The following RIC8B variants were observed in gnomAD, a reference collection of about 807,000 sequenced individuals.
RIC8B encodes the protein RIC8 guanine nucleotide exchange factor B.
RIC8B carries 16 observed loss-of-function variants against 57.5 expected under a neutral mutation model. That is an observed-to-expected ratio of 0.28 (90% confidence interval 0.19 to 0.42). The LOEUF (loss-of-function observed/expected upper bound fraction) is 0.42. Among genes scored for constraint, RIC8B ranks in the 10% least tolerant of loss-of-function variants. The pLI is 1.00. For missense variants in RIC8B, 481 were observed against 677.0 expected, an observed-to-expected ratio of 0.71 and a Z score of 3.21; for synonymous variants, 216 against 250.8, an observed-to-expected ratio of 0.86 and a Z score of 1.31.
intron 5 of RIC8B, 62 bp downstream of exon 5, chr12:106,842,879 A>G (rs956807957): frequency 6.3e-6 from 6 of 956,728 alleles, no homozygotes; most frequent in Non-Finnish European, 1.6e-6. Flanking sequence ...TGTGCCATAC[A>G]TACAGACACA....
At chr12:106,882,491 T>C (rs1234724805) in intron 9 of RIC8B, among the ~76,000 whole-genome samples, 3 of 152,146 alleles carry the variant, frequency 2.0e-5, no homozygotes, top group Non-Finnish European at 4.4e-5. Flanking sequence ...ATTATTATTA[T>C]TATTACTACC....
intron 2 of RIC8B, among the ~76,000 whole-genome samples, chr12:106,785,771 CAT>C (rs756608822): frequency 4.8e-5 from 7 of 146,280 alleles, no homozygotes; most frequent in Non-Finnish European, 1.1e-4. Flanking sequence ...GAGCTCCAGA[CAT>C]GTGTATTCTA....
At chr12:106,831,612 G>A (rs939712783) in intron 4 of RIC8B, among the ~76,000 whole-genome samples, 1 of 152,178 alleles carries the variant, frequency 6.6e-6, no homozygotes, top group African/African-American at 2.4e-5. Flanking sequence ...ATCTTAGCAT[G>A]GCCATTGAAG....
At chr12:106,859,638 G>A (rs925538176) in intron 7 of RIC8B, among the ~76,000 whole-genome samples, 3 of 152,040 alleles carry the variant, frequency 2.0e-5, no homozygotes, top group African/African-American at 7.2e-5. Context: ...CTTACCCAAG[G>A]TCAACCAATT....
intron 2 of RIC8B, among the ~76,000 whole-genome samples, chr12:106,806,173 C>CCGA (rs747696323): frequency 3.3e-4 from 51 of 152,240 alleles, no homozygotes; most frequent in Non-Finnish European, 5.6e-4. Context: ...CCTCGAACTC[C>CCGA]CGACCTCAGG....
At chr12:106,802,534 ATTTTTTTTTT>A (rs34706345) in intron 2 of RIC8B, among the ~76,000 whole-genome samples, 1,282 of 102,170 alleles carry the variant, frequency 0.013, 25 homozygotes, top group African/African-American at 0.046. Flanking sequence ...CAATATGAGA[ATTTTTTTTTT>A]TTTTTTTTTT....
chr12:106,866,569 C>T (rs546471375), intron 8 of RIC8B, among the ~76,000 whole-genome samples: 2 of 152,302 alleles, frequency 1.3e-5, no homozygotes, highest in South Asian at 2.1e-4. Flanking sequence ...TTCCTAAAAA[C>T]CCTGATCCCT....
chr12:106,784,135 T>C, intron 2 of RIC8B, 91 bp downstream of exon 2: 1 of 1,186,710 alleles, frequency 8.4e-7, no homozygotes, highest in Non-Finnish European at 1.2e-6. Flanking sequence ...CATCTGATGG[T>C]TATTGATTGG....
intron 2 of RIC8B, among the ~76,000 whole-genome samples, chr12:106,791,814 A>G (rs2044271508): frequency 6.6e-6 from 1 of 152,210 alleles, no homozygotes; most frequent in African/African-American, 2.4e-5. Flanking sequence ...AAATTTCTAT[A>G]TTAGATTCCC....
intron 2 of RIC8B, among the ~76,000 whole-genome samples, chr12:106,788,957 C>T (rs904851195): frequency 3.3e-5 from 5 of 152,202 alleles, no homozygotes; most frequent in African/African-American, 1.2e-4. Flanking sequence ...ACTGCATTGT[C>T]AAGCTGCAAA....
intron 9 of RIC8B, chr12:106,874,354 C>A: frequency 4.2e-6 from 3 of 713,170 alleles, no homozygotes; most frequent in East Asian, 2.9e-5. Context: ...GTCTGATTAA[C>A]TTTCCTTCTC....
At chr12:106,816,478 T>C (rs1327035341) in intron 3 of RIC8B, among the ~76,000 whole-genome samples, 1 of 152,244 alleles carries the variant, frequency 6.6e-6, no homozygotes, top group Non-Finnish European at 1.5e-5. Context: ...GCCCACATGC[T>C]CCATTTATGC....
At chr12:106,855,833 C>G (rs1017059563) in intron 7 of RIC8B, among the ~76,000 whole-genome samples, 3 of 152,146 alleles carry the variant, frequency 2.0e-5, no homozygotes, top group African/African-American at 7.2e-5. Context: ...TTAGCCCCAA[C>G]CTTTCTTCTG....
chr12:106,787,151 T>C (rs2044066879), intron 2 of RIC8B, among the ~76,000 whole-genome samples: 1 of 152,260 alleles, frequency 6.6e-6, no homozygotes, highest in Non-Finnish European at 1.5e-5. Context: ...GTAACTACTC[T>C]GTAGTGCTTA....
At chr12:106,850,706 T>C (rs1256981074) in intron 6 of RIC8B, among the ~76,000 whole-genome samples, 2 of 152,154 alleles carry the variant, frequency 1.3e-5, no homozygotes, top group Admixed American at 6.5e-5. Context: ...CAGCAACTAA[T>C]GCATAGAAAG....
At chr12:106,810,156 C>CTTTT (rs5800718) in intron 2 of RIC8B, among the ~76,000 whole-genome samples, 1 of 139,608 alleles carries the variant, frequency 7.2e-6, no homozygotes, top group Non-Finnish European at 1.5e-5. Flanking sequence ...ATGTTATTTC[C>CTTTT]TTTTTTTTTT....
chr12:106,868,369 A>C, intron 8 of RIC8B: 1 of 456,596 alleles, frequency 2.2e-6, no homozygotes, highest in South Asian at 1.5e-5. Context: ...TAGTTAATAC[A>C]TCTACCTTCC....
chr12:106,871,059 G>A (rs911224649), intron 9 of RIC8B, 117 bp downstream of exon 9: 3 of 1,041,410 alleles, frequency 2.9e-6, no homozygotes, highest in Admixed American at 2.9e-5. Flanking sequence ...ATTGGAATAG[G>A]GTGGCCCAGG....
intron 2 of RIC8B, among the ~76,000 whole-genome samples, chr12:106,807,742 G>A (rs1285609646): frequency 6.6e-6 from 1 of 152,178 alleles, no homozygotes; most frequent in East Asian, 1.9e-4. Context: ...TGTTAGATGA[G>A]CCTACAGTCA....
Sources: gnomAD v4.1 joint callset for allele counts (sites outside exome capture counted in the v4.1 genomes callset) on GRCh38, gnomAD v4.1.1 for gene constraint, MANE v1.5 for transcripts, NCBI Gene and HGNC (gene_info 2026-07-23, HGNC 2026-07-21) for gene names.